RGS3: variants seen among roughly 807,000 people sequenced by gnomAD.
RGS3 encodes the protein regulator of G protein signaling 3.
A neutral mutation model predicts 132.6 loss-of-function variants in RGS3; 80 were observed. That is an observed-to-expected ratio of 0.60 (90% confidence interval 0.50 to 0.73). The LOEUF (loss-of-function observed/expected upper bound fraction) is 0.73, where lower values mean the gene tolerates loss of function less well. Ranked by LOEUF, RGS3 falls within the 30% of genes least tolerant of loss-of-function variation. The pLI, the probability that RGS3 is intolerant of heterozygous loss-of-function variation, is 0.00. For missense variants in RGS3, 1,382 were observed against 1,530.8 expected, an observed-to-expected ratio of 0.90 and a Z score of 1.62; for synonymous variants, 598 against 620.6, an observed-to-expected ratio of 0.96 and a Z score of 0.54.
intron 21 of RGS3, chr9:113,593,866 T>G: frequency 1.3e-6 from 2 of 1,529,522 alleles, no homozygotes; most frequent in Non-Finnish European, 1.8e-6. Context: ...CCTCCTTCCC[T>G]TTCAGCAATT....
intron 10 of RGS3, among the ~76,000 whole-genome samples, chr9:113,503,890 C>G (rs892311250): frequency 6.6e-6 from 1 of 152,182 alleles, no homozygotes; most frequent in East Asian, 1.9e-4. Context: ...CACTCGTACC[C>G]GCGTTTGTTT....
intron 3 of RGS3, among the ~76,000 whole-genome samples, chr9:113,465,474 T>TGC (rs1554754573): frequency 2.6e-5 from 4 of 151,630 alleles, no homozygotes; most frequent in South Asian, 4.2e-4. Context: ...TGTGTGTGTG[T>TGC]GTGTGTGCCT....
chr9:113,559,799 G>A (rs1041423366), intron 19 of RGS3, among the ~76,000 whole-genome samples: 7 of 152,094 alleles, frequency 4.6e-5, no homozygotes, highest in East Asian at 1.9e-4. Context: ...ATTAGTACAC[G>A]CCAGGCCCTC....
At chr9:113,571,578 T>A (rs866320821) in intron 19 of RGS3, among the ~76,000 whole-genome samples, 1 of 152,236 alleles carries the variant, frequency 6.6e-6, no homozygotes, top group Non-Finnish European at 1.5e-5. Flanking sequence ...TTTTTTCTGA[T>A]TAACTTGTAG....
chr9:113,475,317 T>G (rs1040835617), intron 3 of RGS3, among the ~76,000 whole-genome samples: 2 of 152,148 alleles, frequency 1.3e-5, no homozygotes, highest in Non-Finnish European at 2.9e-5. Flanking sequence ...CTTCAAGCCC[T>G]TTAGCCTGAC....
chr9:113,541,609 TGA>T, intron 19 of RGS3: 3 of 1,280,770 alleles, frequency 2.3e-6, no homozygotes, highest in Non-Finnish European at 3.0e-6. Flanking sequence ...CACAATGGTG[TGA>T]GAGGCCTTGT....
chr9:113,534,476 C>T (rs1390199026), intron 18 of RGS3, among the ~76,000 whole-genome samples: 13 of 152,100 alleles, frequency 8.5e-5, no homozygotes, highest in Admixed American at 7.9e-4. Flanking sequence ...ACACATCCTT[C>T]CATGTACTTT....
In RGS3 at chr9:113,479,473, C is replaced by T; in HGVS notation, c.416-18C>T. The T allele has an allele frequency of 6.2e-7, 1 of 1,614,084 alleles. No individual in the cohort carries two copies. The highest frequency in any genetic ancestry group is 8.5e-7 in the Non-Finnish European group (1 of 1,179,920). On this transcript the variant is annotated intron_variant, in intron 3 of 24. Transcript: ENST00000350696. ...CCAGGGAGCTGAGGCAAGGTTGTTTCTGTTGCTGTTTCCTTAGGTCAGCTG... is the reference window on the plus strand; with the variant it reads ...CCAGGGAGCTGAGGCAAGGTTGTTTTTGTTGCTGTTTCCTTAGGTCAGCTG...
chr9:113,546,141 G>A lies in RGS3; in HGVS notation c.2037+9223G>A, dbSNP rs114087318. On this transcript the variant is annotated intron_variant, in intron 19 of 24. Transcript: ENST00000350696. The stretch of plus-strand genomic sequence containing the variant: ...CACTCCTGCTTTGCACCTGGAGCCC[G>A]GCCACACCATAAATTTTCCCCTTCT... Among the ~76,000 whole-genome samples, 251 of 152,168 alleles carry A rather than the reference G, an allele frequency of 1.6e-3. 2 individuals are homozygous for A. Among genetic ancestry groups the A allele is most frequent in the African/African-American group, 5.5e-3 (230 of 41,514 alleles).
intron 14 of RGS3, among the ~76,000 whole-genome samples, chr9:113,510,142 G>A (rs547630153): frequency 2.7e-5 from 4 of 150,498 alleles, no homozygotes; most frequent in Non-Finnish European, 5.9e-5. Flanking sequence ...TTATGCCTTT[G>A]CGTCCTCATA....
intron 19 of RGS3, chr9:113,541,759 G>A (rs2118658937): frequency 9.8e-7 from 1 of 1,018,134 alleles, no homozygotes; most frequent in East Asian, 9.8e-5. Flanking sequence ...GGGGGCAGCA[G>A]GAGAGGTTGG....
intron 18 of RGS3, among the ~76,000 whole-genome samples, chr9:113,534,787 T>A (rs577315362): frequency 2.4e-4 from 36 of 152,094 alleles, no homozygotes; most frequent in Admixed American, 7.2e-4. Flanking sequence ...AATTTTTTTT[T>A]AAAACTTTTG....
chr9:113,494,762 C>G (rs942477249), intron 7 of RGS3, among the ~76,000 whole-genome samples: 2 of 152,252 alleles, frequency 1.3e-5, no homozygotes, highest in African/African-American at 4.8e-5. Flanking sequence ...GTGTGAGCCA[C>G]TGCACCTGGC....
At chr9:113,528,986 G>C (rs1832344162) in intron 17 of RGS3, among the ~76,000 whole-genome samples, 1 of 152,234 alleles carries the variant, frequency 6.6e-6, no homozygotes, top group African/African-American at 2.4e-5. Context: ...TGAGGTTTCA[G>C]CATTCCTTGG....
upstream of RGS3, among the ~76,000 whole-genome samples, chr9:113,455,282 A>T (rs1219090508): frequency 1.3e-5 from 2 of 152,190 alleles, no homozygotes; most frequent in African/African-American, 2.4e-5. Context: ...AGTTCCTGTT[A>T]TTCCATCTTG....
chr9:113,510,024 G>A (rs1170151957), intron 14 of RGS3, among the ~76,000 whole-genome samples: 1 of 152,012 alleles, frequency 6.6e-6, no homozygotes, highest in Non-Finnish European at 1.5e-5. Context: ...GTGAGATTTT[G>A]GTGCACCCAT....
At chr9:113,545,258 C>T (rs987754561) in intron 19 of RGS3, among the ~76,000 whole-genome samples, 4 of 152,176 alleles carry the variant, frequency 2.6e-5, no homozygotes, top group Non-Finnish European at 4.4e-5. Context: ...TTGTGCCCAG[C>T]GTAAGTACTG....
intron 19 of RGS3, among the ~76,000 whole-genome samples, chr9:113,556,808 A>G (rs905349894): frequency 6.6e-6 from 1 of 152,192 alleles, no homozygotes; most frequent in African/African-American, 2.4e-5. Context: ...AGGGATTGTC[A>G]GAGGTTCTCC....
chr9:113,474,965 T>TGA (rs1346428924), intron 3 of RGS3, among the ~76,000 whole-genome samples: 1 of 152,194 alleles, frequency 6.6e-6, no homozygotes. Context: ...TCATCTGTGG[T>TGA]TCTCTACTGA....
Sources: gnomAD v4.1 joint callset for allele counts (sites outside exome capture counted in the v4.1 genomes callset) on GRCh38, gnomAD v4.1.1 for gene constraint, MANE v1.5 for transcripts, NCBI Gene and HGNC (gene_info 2026-07-23, HGNC 2026-07-21) for gene names.